Variants in DPF3 observed in about 807,000 individuals in gnomAD.
DPF3 encodes double PHD fingers 3.
A neutral mutation model predicts 56.8 loss-of-function variants in DPF3; 18 were observed. That is an observed-to-expected ratio of 0.32 (90% CI 0.22 to 0.47). DPF3 has a LOEUF of 0.47. DPF3 is among the 20% of genes least tolerant of loss of function. DPF3 has a pLI of 1.00. For missense variants in DPF3, 403 were observed against 488.8 expected (o/e 0.82, Z 1.65); for synonymous variants, 188 against 180.2 (o/e 1.04, Z -0.35).
At chr14:72,841,450 T>C (rs946972288) in intron 1 of DPF3, among the ~76,000 whole-genome samples, 1 of 152,218 alleles carries the variant, frequency 6.6e-6, no homozygotes, top group Non-Finnish European at 1.5e-5. Flanking sequence ...GGAAAATCTG[T>C]AATCTCACTG....
chr14:72,661,662 G>A lies in DPF3; in HGVS notation c.871+12578C>T, dbSNP rs1042031597. ...AAAGGGCCATGTTAGAACACCCGCC[G>A]TCTTCCTTGGCTCCCACCAGCAACT... On this transcript the variant is annotated intron_variant, in intron 8 of 10. Coordinates refer to ENST00000556509, the MANE Select transcript of DPF3 (RefSeq NM_001280542.3). 8.1e-6 allele frequency: 8 copies of A among 985,282 alleles called. No individual in the cohort carries two copies. In the African/African-American group the frequency reaches 1.0e-4, roughly 13 times the overall value. The allele number at this position is 985,282 out of a possible 1,614,324, so 61.0% of individuals were successfully genotyped here.
In DPF3 at chr14:72,679,681, G is replaced by A. The variant is rs1476393541; in HGVS notation, c.743-5313C>T. 2.6e-5 allele frequency among the ~76,000 whole-genome samples: 4 copies of A among 152,382 alleles called. No individual in the cohort carries two copies. In the East Asian group the frequency reaches 7.7e-4, roughly 29 times the overall value. On this transcript the variant is annotated intron_variant, in intron 7 of 10. Transcript: ENST00000556509. ...GTTTCCATGGCAACCGGAATCCTGGGCTCCGGCAGCCTCCGCTCTTGCCAC... is the reference window on the plus strand; with the variant it reads ...GTTTCCATGGCAACCGGAATCCTGGACTCCGGCAGCCTCCGCTCTTGCCAC...
intron 8 of DPF3, among the ~76,000 whole-genome samples, chr14:72,654,129 A>G (rs1184670160): frequency 6.6e-6 from 1 of 152,054 alleles, no homozygotes; most frequent in Non-Finnish European, 1.5e-5. Context: ...ACAGTGCCCT[A>G]ATGCCCTAGT....
At chr14:72,800,509 GATGGATGGATGGTTGC>G (rs1029367355) in intron 1 of DPF3, among the ~76,000 whole-genome samples, 5 of 152,014 alleles carry the variant, frequency 3.3e-5, no homozygotes, top group African/African-American at 1.2e-4. Context: ...TGGATGCATG[GATGGATGGATGGTTGC>G]ATGGATGGAT....
At chr14:72,648,681 C>G (rs74062326) in intron 8 of DPF3, among the ~76,000 whole-genome samples, 3 of 152,152 alleles carry the variant, frequency 2.0e-5, no homozygotes, top group East Asian at 3.9e-4. Context: ...CGGGAATGAA[C>G]GGTCTCAGCT....
At chr14:72,750,286 C>G (rs1319362057) in intron 3 of DPF3, among the ~76,000 whole-genome samples, 1 of 152,148 alleles carries the variant, frequency 6.6e-6, no homozygotes, top group East Asian at 1.9e-4. Context: ...CTTAAACTGT[C>G]TAGACTCCAA....
chr14:72,613,944 G>A lies in DPF3; in HGVS notation c.*5353C>T, dbSNP rs557949424. Among the ~76,000 whole-genome samples, 4 of 152,228 alleles carry A rather than the reference G, an allele frequency of 2.6e-5. No homozygotes were observed. The South Asian group carries it at 8.3e-4, about 32-fold the overall frequency. On this transcript the variant is annotated 3_prime_UTR_variant, in exon 11 of 11. Coordinates refer to ENST00000556509, the MANE Select transcript of DPF3 (RefSeq NM_001280542.3). The stretch of plus-strand genomic sequence containing the variant: ...CTCCCACATCCCGGGTGCCCAGCAG[G>A]AAGCACCCCCATCTTCCTCTCCCCT...
chr14:72,728,977 G>A (rs140600208), intron 4 of DPF3, among the ~76,000 whole-genome samples: 35 of 152,280 alleles, frequency 2.3e-4, no homozygotes, highest in African/African-American at 6.0e-4. Flanking sequence ...GCCAGGCACC[G>A]TGGCTCATGC....
At chr14:72,659,674 G>T (rs892473214) in intron 8 of DPF3, among the ~76,000 whole-genome samples, 3 of 152,210 alleles carry the variant, frequency 2.0e-5, no homozygotes, top group Non-Finnish European at 4.4e-5. Context: ...ATTAGAGGGT[G>T]CAATCGCTTC....
chr14:72,638,819 A>AT (rs71109742), intron 8 of DPF3, among the ~76,000 whole-genome samples: 5,204 of 141,652 alleles, frequency 0.037, 253 homozygotes, highest in African/African-American at 0.11. Flanking sequence ...TTTGTTTTAC[A>AT]TTTTTTTTTT....
intron 1 of DPF3, among the ~76,000 whole-genome samples, chr14:72,823,983 G>A (rs1001632861): frequency 6.6e-6 from 1 of 152,128 alleles, no homozygotes; most frequent in Non-Finnish European, 1.5e-5. Context: ...AGGCTTTCTA[G>A]GAGAGGGGAC....
At chr14:72,879,551 G>GCTCC (rs1385892416) in intron 1 of DPF3, among the ~76,000 whole-genome samples, 1 of 152,164 alleles carries the variant, frequency 6.6e-6, no homozygotes, top group East Asian at 1.9e-4. Context: ...GTCAGCAAGG[G>GCTCC]CTCCACCAGG....
At chr14:72,702,240 G>A (rs375694745) in intron 6 of DPF3, among the ~76,000 whole-genome samples, 2 of 150,668 alleles carry the variant, frequency 1.3e-5, no homozygotes, top group Non-Finnish European at 1.5e-5. Context: ...CCTTGCTCTC[G>A]GCAAGAAGGA....
At chr14:72,727,614 C>T (rs1171266773) in intron 4 of DPF3, among the ~76,000 whole-genome samples, 1 of 151,614 alleles carries the variant, frequency 6.6e-6, no homozygotes, top group Non-Finnish European at 1.5e-5. Flanking sequence ...CTCAGGAACT[C>T]TACTCTGATG....
chr14:72,820,126 T>C (rs1465995961), intron 1 of DPF3, among the ~76,000 whole-genome samples: 1 of 152,218 alleles, frequency 6.6e-6, no homozygotes, highest in Non-Finnish European at 1.5e-5. Flanking sequence ...AACTATATAT[T>C]TTGAATGAGT....
chr14:72,875,884 C>T (rs1886093674), intron 1 of DPF3, among the ~76,000 whole-genome samples: 2 of 152,204 alleles, frequency 1.3e-5, no homozygotes, highest in Non-Finnish European at 2.9e-5. Flanking sequence ...AGGAGGAAAC[C>T]CACTGTCTTA....
intron 1 of DPF3, among the ~76,000 whole-genome samples, chr14:72,806,614 G>A (rs1882794782): frequency 6.6e-6 from 1 of 152,148 alleles, no homozygotes; most frequent in Non-Finnish European, 1.5e-5. Context: ...CGCACTGGGC[G>A]AAAGAACCTA....
intron 8 of DPF3, among the ~76,000 whole-genome samples, chr14:72,659,804 T>C (rs4903043): frequency 6.6e-6 from 1 of 152,238 alleles, no homozygotes; most frequent in African/African-American, 2.4e-5. Flanking sequence ...CATTTTACTC[T>C]GTGTTCATCA....
chr14:72,758,472 G>T (rs1323648078), intron 2 of DPF3, among the ~76,000 whole-genome samples: 1 of 152,120 alleles, frequency 6.6e-6, no homozygotes, highest in Non-Finnish European at 1.5e-5. Flanking sequence ...AGAACCCAAG[G>T]AACTGAAGGG....
Sources: allele counts gnomAD v4.1 joint callset (sites outside exome capture counted in the v4.1 genomes callset), GRCh38; gene constraint gnomAD v4.1.1; transcripts MANE v1.5; gene names NCBI Gene and HGNC (gene_info 2026-07-23, HGNC 2026-07-21).